KLHL29: variants seen among roughly 807,000 people sequenced by gnomAD.
KLHL29 encodes kelch like family member 29.
A neutral mutation model predicts 80.4 loss-of-function variants in KLHL29; 21 were observed. The observed-to-expected ratio is 0.26, with a 90% CI of 0.19 to 0.38. The LOEUF (loss-of-function observed/expected upper bound fraction) is 0.38, where lower values mean the gene tolerates loss of function less well. Among genes scored for constraint, KLHL29 ranks in the 10% least tolerant of loss-of-function variants. KLHL29 has a pLI of 1.00. For missense variants in KLHL29, 867 were observed against 1,223.9 expected, an observed-to-expected ratio of 0.71 and a Z score of 4.35; for synonymous variants, 511 against 526.8, an observed-to-expected ratio of 0.97 and a Z score of 0.41.
At chr2:23,542,511 GGCTATTTGGGGAATT>G (rs1198838464) in intron 2 of KLHL29, among the ~76,000 whole-genome samples, 37 of 152,338 alleles carry the variant, frequency 2.4e-4, no homozygotes, top group Non-Finnish European at 4.3e-4. Context: ...TTCAGGGTTT[GGCTATTTGGGGAATT>G]GCTGAGTCTC....
chr2:23,649,325 G>A (rs909213688), intron 5 of KLHL29, among the ~76,000 whole-genome samples: 1 of 152,176 alleles, frequency 6.6e-6, no homozygotes, highest in Non-Finnish European at 1.5e-5. Flanking sequence ...CTTCGTCCTC[G>A]CCTGAGCTGT....
intron 3 of KLHL29, among the ~76,000 whole-genome samples, chr2:23,576,116 C>T (rs1327424986): frequency 1.3e-5 from 2 of 152,116 alleles, no homozygotes; most frequent in Non-Finnish European, 2.9e-5. Context: ...ACCAGCCTGA[C>T]CAACATAGTG....
intron 3 of KLHL29, among the ~76,000 whole-genome samples, chr2:23,594,527 C>T (rs925797575): frequency 6.6e-6 from 1 of 152,202 alleles, no homozygotes; most frequent in Non-Finnish European, 1.5e-5. Context: ...GGCCTTCCTG[C>T]ATTTCAATTC....
intron 2 of KLHL29, among the ~76,000 whole-genome samples, chr2:23,487,447 CT>C (rs1044725397): frequency 6.6e-6 from 1 of 152,172 alleles, no homozygotes; most frequent in African/African-American, 2.4e-5. Flanking sequence ...GCTATACCCC[CT>C]GGAAGTACTC....
intron 1 of KLHL29, among the ~76,000 whole-genome samples, chr2:23,472,992 C>T (rs1664539561): frequency 6.6e-6 from 1 of 152,206 alleles, no homozygotes; most frequent in Admixed American, 6.5e-5. Context: ...GAGAAACCAT[C>T]ATAGCACAGT....
At chr2:23,480,374 G>C (rs1465436238) in intron 2 of KLHL29, among the ~76,000 whole-genome samples, 4 of 152,048 alleles carry the variant, frequency 2.6e-5, no homozygotes, top group Non-Finnish European at 1.5e-5. Context: ...ATAGTCCCAG[G>C]TACTCGGGAG....
At chr2:23,622,974 C>G (rs111821280) in intron 3 of KLHL29, among the ~76,000 whole-genome samples, 178 of 152,286 alleles carry the variant, frequency 1.2e-3, no homozygotes, top group African/African-American at 4.2e-3. Context: ...CTCCAGAGTC[C>G]TACTCCTACC....
intron 3 of KLHL29, among the ~76,000 whole-genome samples, chr2:23,605,494 C>T (rs1365605911): frequency 6.6e-6 from 1 of 152,112 alleles, no homozygotes; most frequent in Non-Finnish European, 1.5e-5. Flanking sequence ...GAACACAGCC[C>T]CCGGCGCCCC....
chr2:23,432,789 G>A (rs1663219548), intron 1 of KLHL29, among the ~76,000 whole-genome samples: 2 of 152,222 alleles, frequency 1.3e-5, no homozygotes, highest in Admixed American at 6.5e-5. Flanking sequence ...ACAGAGCAGA[G>A]GGAGTCGGGG....
At chr2:23,525,364 G>A (rs961521431) in intron 2 of KLHL29, among the ~76,000 whole-genome samples, 15 of 152,226 alleles carry the variant, frequency 9.9e-5, no homozygotes, top group African/African-American at 3.1e-4. Flanking sequence ...CTTGTTTTCC[G>A]CTACACCACG....
chr2:23,630,289 T>G (rs961346195), intron 3 of KLHL29, among the ~76,000 whole-genome samples: 12 of 152,150 alleles, frequency 7.9e-5, no homozygotes, highest in African/African-American at 2.9e-4. Context: ...AGGGCTTTAG[T>G]ATTATCCTGA....
chr2:23,449,376 C>T (rs1232655213), intron 1 of KLHL29, among the ~76,000 whole-genome samples: 1 of 152,206 alleles, frequency 6.6e-6, no homozygotes, highest in Non-Finnish European at 1.5e-5. Context: ...AATTCACTGA[C>T]TTAAAACAGT....
intron 1 of KLHL29, among the ~76,000 whole-genome samples, chr2:23,462,020 A>G (rs1027215229): frequency 6.3e-5 from 9 of 143,748 alleles, no homozygotes; most frequent in South Asian, 2.2e-4. Context: ...TTTTCCACCA[A>G]CCTAATAGAA....
At chr2:23,512,086 CT>C (rs1558366807) in intron 2 of KLHL29, among the ~76,000 whole-genome samples, 1 of 152,090 alleles carries the variant, frequency 6.6e-6, no homozygotes, top group African/African-American at 2.4e-5. Context: ...TGCACTTCCA[CT>C]TACTGGCTGG....
intron 3 of KLHL29, among the ~76,000 whole-genome samples, chr2:23,624,146 G>C (rs1475177678): frequency 1.3e-5 from 2 of 152,118 alleles, no homozygotes; most frequent in African/African-American, 4.8e-5. Context: ...CATGAGCTGT[G>C]CATGGCTGGA....
intron 2 of KLHL29, among the ~76,000 whole-genome samples, chr2:23,475,942 C>T (rs982686150): frequency 6.6e-6 from 1 of 152,194 alleles, no homozygotes; most frequent in Non-Finnish European, 1.5e-5. Flanking sequence ...CGCAGTGGCG[C>T]AATCTTGGCT....
chr2:23,637,208 C>T (rs1045979822), intron 3 of KLHL29, among the ~76,000 whole-genome samples: 5 of 152,158 alleles, frequency 3.3e-5, no homozygotes, highest in Non-Finnish European at 5.9e-5. Flanking sequence ...CCTCTGATTC[C>T]GAGGAAAGCA....
chr2:23,651,254 C>A (rs1670079541), intron 5 of KLHL29, among the ~76,000 whole-genome samples: 1 of 152,056 alleles, frequency 6.6e-6, no homozygotes, highest in Non-Finnish European at 1.5e-5. Context: ...CAAGGGAAGC[C>A]CAAGTGTTTT....
At chr2:23,445,621 A>G (rs2103418036) in intron 1 of KLHL29, among the ~76,000 whole-genome samples, 1 of 152,348 alleles carries the variant, frequency 6.6e-6, no homozygotes, top group South Asian at 2.1e-4. Flanking sequence ...GCATATCAGC[A>G]AGGGGGATTG....
Sources: gnomAD v4.1 joint callset for allele counts (sites outside exome capture counted in the v4.1 genomes callset) on GRCh38, gnomAD v4.1.1 for gene constraint, MANE v1.5 for transcripts, NCBI Gene and HGNC (gene_info 2026-07-23, HGNC 2026-07-21) for gene names.